Variants in ULK4 observed in about 807,000 individuals in gnomAD.
The protein encoded by ULK4 is inactive serine/threonine-protein kinase ULK4.
A neutral mutation model predicts 160.6 loss-of-function variants in ULK4; 133 were observed. The observed-to-expected ratio is 0.83, with a 90% CI of 0.72 to 0.96. The LOEUF (loss-of-function observed/expected upper bound fraction) is 0.96, where lower values mean the gene tolerates loss of function less well. Ranked by LOEUF, ULK4 falls within the 40% of genes least tolerant of loss-of-function variation. The pLI is 0.00. For missense variants in ULK4, 1,580 were observed against 1,499.5 expected, an observed-to-expected ratio of 1.05 and a Z score of -0.89; for synonymous variants, 534 against 539.8, an observed-to-expected ratio of 0.99 and a Z score of 0.15.
intron 21 of ULK4, among the ~76,000 whole-genome samples, chr3:41,774,072 C>A (rs1179569850): frequency 6.6e-6 from 1 of 152,112 alleles, no homozygotes; most frequent in Non-Finnish European, 1.5e-5. Flanking sequence ...AAAATCAATT[C>A]AAGATGGATT....
chr3:41,870,359 T>C (rs533852843), intron 17 of ULK4, among the ~76,000 whole-genome samples: 25 of 152,226 alleles, frequency 1.6e-4, no homozygotes, highest in Non-Finnish European at 3.5e-4. Flanking sequence ...TTATGTAATA[T>C]TATTCCACAA....
intron 17 of ULK4, among the ~76,000 whole-genome samples, chr3:41,853,726 GTA>G (rs1308869568): frequency 1.3e-5 from 2 of 152,136 alleles, no homozygotes; most frequent in Non-Finnish European, 2.9e-5. Flanking sequence ...ACTGATTTCA[GTA>G]ACTTTCTCCT....
chr3:41,882,303 T>C (rs1380647811), intron 17 of ULK4: 4 of 702,464 alleles, frequency 5.7e-6, no homozygotes, highest in South Asian at 4.4e-5. Flanking sequence ...GAGAAATAAA[T>C]ACATAAAATG....
At position 41,754,353 on chromosome 3, in the gene ULK4, A is replaced by C; in HGVS notation, c.2321+8T>G. 3 of 1,607,770 alleles carry C rather than the reference A, an allele frequency of 1.9e-6. No individual in the cohort carries two copies. Among genetic ancestry groups the C allele is most frequent in the Non-Finnish European group, 2.5e-6 (3 of 1,177,930 alleles). Reference sequence around the variant, plus strand: ...AGTTACTGATGAAACCATCAGAGAAAATCTTACCTTGCTTGGCAACTGAGC... The same window carrying C: ...AGTTACTGATGAAACCATCAGAGAACATCTTACCTTGCTTGGCAACTGAGC... On this transcript the variant is annotated splice_region_variant and intron_variant, in intron 22 of 36. Transcript: ENST00000301831.
intron 29 of ULK4, among the ~76,000 whole-genome samples, chr3:41,668,898 TAAA>T (rs1192081987): frequency 6.6e-6 from 1 of 152,196 alleles, no homozygotes; most frequent in African/African-American, 2.4e-5. Context: ...GTTTTTAAGT[TAAA>T]TATTTCTCAA....
At chr3:41,373,906 G>GA (rs1456929839) in intron 35 of ULK4, among the ~76,000 whole-genome samples, 2 of 151,994 alleles carry the variant, frequency 1.3e-5, no homozygotes, top group African/African-American at 4.8e-5. Flanking sequence ...TAATAAAAAA[G>GA]AAAAGAGAGA....
At chr3:41,882,299 T>G (rs1336226477) in intron 17 of ULK4, 1 of 702,432 alleles carries the variant, frequency 1.4e-6, no homozygotes, top group Non-Finnish European at 2.6e-6. Context: ...GAAAGAGAAA[T>G]AAATACATAA....
intron 21 of ULK4, among the ~76,000 whole-genome samples, chr3:41,773,603 T>A (rs2039488783): frequency 6.6e-6 from 1 of 152,182 alleles, no homozygotes; most frequent in Non-Finnish European, 1.5e-5. Flanking sequence ...CATTCCATGC[T>A]CATGGATAGG....
At chr3:41,255,129 T>TAC (rs369404667) in intron 35 of ULK4, among the ~76,000 whole-genome samples, 10,856 of 144,182 alleles carry the variant, frequency 0.075, 462 homozygotes, top group Admixed American at 0.15. Context: ...AAATTATGGC[T>TAC]ACACACACAC....
intron 32 of ULK4, among the ~76,000 whole-genome samples, chr3:41,470,336 G>A (rs2083956809): frequency 6.6e-6 from 1 of 152,086 alleles, no homozygotes; most frequent in South Asian, 2.1e-4. Flanking sequence ...TCAAAGGGCT[G>A]AAGGAAAAAA....
At chr3:41,373,165 C>A (rs1052735196) in intron 35 of ULK4, among the ~76,000 whole-genome samples, 2 of 152,192 alleles carry the variant, frequency 1.3e-5, no homozygotes, top group South Asian at 4.1e-4. Context: ...TACAAAGAGA[C>A]TTAGACTGCC....
At chr3:41,731,884 T>C (rs538111887) in intron 22 of ULK4, among the ~76,000 whole-genome samples, 1 of 152,186 alleles carries the variant, frequency 6.6e-6, no homozygotes, top group South Asian at 2.1e-4. Context: ...CTTGGGGAGA[T>C]GGCAATCTCT....
chr3:41,735,234 C>A (rs1164486965), intron 22 of ULK4, among the ~76,000 whole-genome samples: 1 of 152,002 alleles, frequency 6.6e-6, no homozygotes, highest in East Asian at 1.9e-4. Flanking sequence ...AGAGGAGAAA[C>A]AGAAACATGA....
intron 21 of ULK4, among the ~76,000 whole-genome samples, chr3:41,788,622 G>A (rs764120625): frequency 2.0e-5 from 3 of 151,862 alleles, no homozygotes; most frequent in African/African-American, 4.8e-5. Flanking sequence ...CCCAGGAGGC[G>A]GAGCTTGCAG....
rs552310378 is a variant in ULK4 at position 41,492,153 on chromosome 3, C to T, written c.3227-28900G>A. ...TCATTGTTGGACATTTGGGTCGGGT[C>T]CAAGTCTTTGCTATTGTGAATACTG... On this transcript the variant is annotated intron_variant, in intron 32 of 36. Coordinates refer to ENST00000301831, the MANE Select transcript of ULK4 (RefSeq NM_017886.4). Among the ~76,000 whole-genome samples the T allele has an allele frequency of 1.6e-3, 248 of 150,676 alleles. 1 individual carries two copies. Among genetic ancestry groups the T allele is most frequent in the Non-Finnish European group, 2.8e-3 (190 of 67,612 alleles).
intron 35 of ULK4, among the ~76,000 whole-genome samples, chr3:41,255,310 C>T (rs567480996): frequency 1.7e-4 from 26 of 152,028 alleles, no homozygotes; most frequent in African/African-American, 6.3e-4. Context: ...GGTGAAACCC[C>T]GTTTCTACTA....
chr3:41,532,779 A>G (rs1313232619), intron 32 of ULK4, among the ~76,000 whole-genome samples: 3 of 152,196 alleles, frequency 2.0e-5, no homozygotes, highest in Non-Finnish European at 1.5e-5. Context: ...CTTTTACAGA[A>G]TAAAATTTGC....
rs1311109700 is a variant in ULK4 at position 41,302,653 on chromosome 3, A to G, written c.3679-53079T>C. Among the ~76,000 whole-genome samples, 13 of 152,350 alleles carry G rather than the reference A, an allele frequency of 8.5e-5. No homozygotes were observed. In the South Asian group the frequency reaches 2.5e-3, roughly 29 times the overall value. ...GTGGTGCAGCTTTATTTGCTTCCCA[A>G]TTACTCCAAAAAGTTCAGATTCTAA... On this transcript the variant is annotated intron_variant, in intron 35 of 36. Transcript: ENST00000301831.
rs375337313 is a variant in ULK4 at position 41,916,044 on chromosome 3, G to A, written c.736C>T (p.Arg246Cys). ...PLPPIPKDSS[R>C]PKASSDFINL... ...ATAAAATCTGAAGAAGCTTTAGGAC[G>A]AGAAGAATCTATAAATGAATTAATT... The change falls in exon 8 of 37, where the codon CGT becomes TGT. Residue 246 changes from arginine to cysteine, a missense_variant. Transcript: ENST00000301831. The A allele has an allele frequency of 7.2e-5, 114 of 1,577,466 alleles. 2 individuals carry two copies. In the South Asian group the frequency reaches 8.5e-4, roughly 12 times the overall value.
Sources: allele counts gnomAD v4.1 joint callset (sites outside exome capture counted in the v4.1 genomes callset), GRCh38; gene constraint gnomAD v4.1.1; transcripts MANE v1.5; gene names NCBI Gene and HGNC (gene_info 2026-07-23, HGNC 2026-07-21).